Variants in LRRFIP1 observed in about 807,000 individuals in gnomAD.
LRRFIP1 encodes the protein LRR binding FLII interacting protein 1, also known as leucine-rich repeat flightless-interacting protein 1.
A neutral mutation model predicts 104.4 loss-of-function variants in LRRFIP1; 62 were observed. The ratio of observed to expected loss-of-function variants is 0.59; its 90% confidence interval spans 0.48 to 0.73. The LOEUF (loss-of-function observed/expected upper bound fraction) is 0.73. Ranked by LOEUF, LRRFIP1 falls within the 30% of genes least tolerant of loss-of-function variation. LRRFIP1 has a pLI of 0.00. For missense variants in LRRFIP1, 796 were observed against 824.5 expected (o/e 0.97, Z 0.42); for synonymous variants, 300 against 299.0 (o/e 1.00, Z -0.03).
At chr2:237,629,102 T>C (rs2081988045) in intron 1 of LRRFIP1, among the ~76,000 whole-genome samples, 1 of 152,196 alleles carries the variant, frequency 6.6e-6, no homozygotes, top group Non-Finnish European at 1.5e-5. Flanking sequence ...CTGTAGAAGG[T>C]GACACCCAGA....
At chr2:237,751,293 G>T in intron 14 of LRRFIP1, 22 bp downstream of exon 14, 1 of 1,567,734 alleles carries the variant, frequency 6.4e-7, no homozygotes, top group Non-Finnish European at 8.7e-7. Flanking sequence ...CAGACGTGTG[G>T]TCTCACGATA....
At chr2:237,751,775 G>A (rs370969555) in intron 14 of LRRFIP1, among the ~76,000 whole-genome samples, 1 of 152,144 alleles carries the variant, frequency 6.6e-6, no homozygotes, top group African/African-American at 2.4e-5. Flanking sequence ...ACTGACTATG[G>A]CATTGGCTTT....
chr2:237,756,381 C>T (rs2059268768), intron 16 of LRRFIP1, among the ~76,000 whole-genome samples, 194 bp downstream of exon 16: 1 of 152,210 alleles, frequency 6.6e-6, no homozygotes, highest in African/African-American at 2.4e-5. Context: ...GGCCTCTCTT[C>T]CTGGCCTGCA....
At chr2:237,712,813 A>G (rs1346815625) in intron 2 of LRRFIP1, among the ~76,000 whole-genome samples, 6 of 152,346 alleles carry the variant, frequency 3.9e-5, no homozygotes, top group South Asian at 2.1e-4. Context: ...TCTTCTTTGC[A>G]TATCACATCT....
intron 7 of LRRFIP1, among the ~76,000 whole-genome samples, chr2:237,725,492 C>A (rs1285122748): frequency 6.6e-6 from 1 of 152,064 alleles, no homozygotes; most frequent in Non-Finnish European, 1.5e-5. Context: ...GTAAAAACAG[C>A]CCCACCCATC....
intron 1 of LRRFIP1, among the ~76,000 whole-genome samples, chr2:237,642,012 C>A (rs2084052508): frequency 6.6e-6 from 1 of 152,182 alleles, no homozygotes; most frequent in Admixed American, 6.5e-5. Context: ...ATGAGAGAAT[C>A]TTTGGGGTAC....
At chr2:237,739,717 T>A (rs185828366) in intron 11 of LRRFIP1, among the ~76,000 whole-genome samples, 173 of 152,240 alleles carry the variant, frequency 1.1e-3, no homozygotes, top group African/African-American at 4.0e-3. Context: ...GGTTCTCAGA[T>A]CCTTCGAAAT....
intron 17 of LRRFIP1, among the ~76,000 whole-genome samples, chr2:237,758,515 CATGGAGT>C (rs1208488315): frequency 6.6e-6 from 1 of 152,222 alleles, no homozygotes; most frequent in Admixed American, 6.5e-5. Flanking sequence ...GCATGTCTTT[CATGGAGT>C]ATGAACAGTA....
At chr2:237,699,628 A>G (rs2093398315) in intron 1 of LRRFIP1, among the ~76,000 whole-genome samples, 1 of 152,232 alleles carries the variant, frequency 6.6e-6, no homozygotes, top group Non-Finnish European at 1.5e-5. Flanking sequence ...CTGGGATTAC[A>G]GGCGTGAGCC....
rs139301739 is a variant in LRRFIP1, at chr2:237,709,393, C to G, written c.183+763C>G. Among the ~76,000 whole-genome samples, 690 of 152,210 alleles carry G rather than the reference C, an allele frequency of 4.5e-3. 7 individuals carry two copies. The highest frequency in any genetic ancestry group is 0.015 in the African/African-American group (633 of 41,530). ...GGGACCATCCACACTGAGCCCACCC[C>G]CAAGAGCTTTTCTTCTTAAGAAGAT... On this transcript the variant is annotated intron_variant, in intron 2 of 23. Transcript: ENST00000308482.
At chr2:237,710,819 G>T (rs1559627257) in intron 2 of LRRFIP1, among the ~76,000 whole-genome samples, 1 of 152,132 alleles carries the variant, frequency 6.6e-6, no homozygotes, top group Non-Finnish European at 1.5e-5. Context: ...CTTTTCTGTT[G>T]CATTTTAATT....
At chr2:237,635,424 T>C (rs1283369478) in intron 1 of LRRFIP1, among the ~76,000 whole-genome samples, 1 of 152,182 alleles carries the variant, frequency 6.6e-6, no homozygotes, top group Non-Finnish European at 1.5e-5. Flanking sequence ...AGTGTGGGGA[T>C]GGAGGTGGAA....
At chr2:237,635,807 A>G (rs947231719) in intron 1 of LRRFIP1, among the ~76,000 whole-genome samples, 1 of 152,120 alleles carries the variant, frequency 6.6e-6, no homozygotes, top group Admixed American at 6.6e-5. Context: ...CAAAAAAGAA[A>G]AGAAAAAGTG....
Position 237,778,219 on chromosome 2 carries a change from C to A in LRRFIP1, c.1813-1203C>A, listed in dbSNP as rs560289388. On this transcript the variant is annotated intron_variant, in intron 23 of 23. Coordinates refer to ENST00000308482, the MANE Select transcript of LRRFIP1 (RefSeq NM_001137550.2). ...CTCCAGGCTTAACTTGTGGAAACTT[C>A]CTGCAAAAAGGGCTTGCTTCTGCCT... Among the ~76,000 whole-genome samples the A allele has an allele frequency of 3.9e-5, 6 of 152,304 alleles. No individual in the cohort carries two copies. In the East Asian group the frequency reaches 1.2e-3, roughly 29 times the overall value.
chr2:237,727,935 G>A lies in LRRFIP1; in HGVS notation c.444G>A (p.Arg148=). 1 of 1,604,172 alleles carries A rather than the reference G, an allele frequency of 6.2e-7. No individual in the cohort carries two copies. The highest frequency in any genetic ancestry group is 1.1e-5 in the South Asian group (1 of 89,452). ...AGTCCCTGAATAGAAGATCTGGCAG[G>A]GTTAGTATAGTAAATTTGCATGGCT... The part of the protein sequence containing the change: ...GSQSLNRRSG[R]PSCLYSAARP... Residue 148 remains arginine, a splice_region_variant and synonymous_variant, in exon 8 of 24, where the codon AGG becomes AGA. Transcript: ENST00000308482.
At chr2:237,692,583 A>G in intron 1 of LRRFIP1, 2 of 1,448,578 alleles carry the variant, frequency 1.4e-6, no homozygotes, top group Non-Finnish European at 1.8e-6. Flanking sequence ...AGGGGCTTCC[A>G]GCTCGTTCCG....
intron 1 of LRRFIP1, among the ~76,000 whole-genome samples, chr2:237,682,182 C>T (rs1396585251): frequency 6.6e-6 from 1 of 152,166 alleles, no homozygotes; most frequent in Non-Finnish European, 1.5e-5. Context: ...ATTCTAGAGC[C>T]CCTTGTTTTG....
At chr2:237,692,113 C>T (rs2092822158) in intron 1 of LRRFIP1, 24 of 716,022 alleles carry the variant, frequency 3.4e-5, no homozygotes, top group Non-Finnish European at 3.8e-5. Context: ...CGGGGCGGGG[C>T]GTAGCCGGGA....
chr2:237,761,990 A>G (rs549498429), intron 19 of LRRFIP1, among the ~76,000 whole-genome samples: 3 of 152,336 alleles, frequency 2.0e-5, no homozygotes, highest in South Asian at 2.1e-4. Context: ...GAGCAGAGGT[A>G]TCAGGGCATG....
Sources: allele counts gnomAD v4.1 joint callset (sites outside exome capture counted in the v4.1 genomes callset), GRCh38; gene constraint gnomAD v4.1.1; transcripts MANE v1.5; gene names NCBI Gene and HGNC (gene_info 2026-07-23, HGNC 2026-07-21).